The following CDH18 variants were observed in gnomAD, a reference collection of about 807,000 sequenced individuals.
CDH18 encodes cadherin-18.
Under a neutral mutation model 67.9 loss-of-function variants are expected in CDH18, and 31 were observed. The ratio of observed to expected loss-of-function variants is 0.46; its 90% CI spans 0.34 to 0.62. CDH18 has a LOEUF of 0.62. Ranked by LOEUF, CDH18 falls within the 20% of genes least tolerant of loss-of-function variation. The pLI is 0.01. For missense variants in CDH18, 890 were observed against 975.5 expected (o/e 0.91, Z 1.17); for synonymous variants, 362 against 347.2 (o/e 1.04, Z -0.48).
intron 2 of CDH18, among the ~76,000 whole-genome samples, chr5:19,841,269 C>G (rs182173945): frequency 4.7e-4 from 72 of 152,148 alleles, no homozygotes; most frequent in Admixed American, 2.5e-3. Flanking sequence ...TGATTTAAAT[C>G]AAAACAACTT....
intron 2 of CDH18, among the ~76,000 whole-genome samples, chr5:20,150,247 G>A (rs1436828527): frequency 6.6e-6 from 1 of 151,980 alleles, no homozygotes; most frequent in African/African-American, 2.4e-5. Context: ...TTATTTGATA[G>A]CTCCTCAATT....
chr5:19,700,276 G>C (rs529171731), intron 5 of CDH18, among the ~76,000 whole-genome samples: 13 of 152,164 alleles, frequency 8.5e-5, no homozygotes, highest in African/African-American at 3.1e-4. Context: ...GTGTTCAACA[G>C]CACATATCTA....
intron 2 of CDH18, among the ~76,000 whole-genome samples, chr5:19,847,804 G>A (rs1783172687): frequency 1.3e-5 from 2 of 151,852 alleles, no homozygotes; most frequent in Non-Finnish European, 1.5e-5. Context: ...TGACTTATGT[G>A]TGTATATTCC....
At chr5:20,159,314 T>C (rs940594295) in intron 2 of CDH18, among the ~76,000 whole-genome samples, 2 of 151,956 alleles carry the variant, frequency 1.3e-5, no homozygotes, top group East Asian at 1.9e-4. Context: ...TTATACGAAA[T>C]AAAAAGCACT....
At chr5:19,867,032 T>C (rs1785626031) in intron 2 of CDH18, among the ~76,000 whole-genome samples, 1 of 152,198 alleles carries the variant, frequency 6.6e-6, no homozygotes, top group East Asian at 1.9e-4. Context: ...GAGGTTGCAG[T>C]GAGCTGAGAT....
intron 2 of CDH18, among the ~76,000 whole-genome samples, chr5:19,857,662 T>A (rs1294989368): frequency 1.3e-5 from 2 of 152,082 alleles, no homozygotes; most frequent in Non-Finnish European, 2.9e-5. Context: ...TTATGATAAA[T>A]AAGTATATAA....
intron 11 of CDH18, among the ~76,000 whole-genome samples, chr5:19,486,366 A>C (rs1368767621): frequency 6.6e-6 from 1 of 151,610 alleles, no homozygotes; most frequent in Non-Finnish European, 1.5e-5. Context: ...AACACAACAC[A>C]CCATACACAC....
rs190144326 is a variant in CDH18, at chr5:20,425,601, T to C, written c.-580+149861A>G. 2.2e-3 allele frequency among the ~76,000 whole-genome samples: 326 copies of C among 151,108 alleles called. 17 individuals carry two copies. The highest frequency in any genetic ancestry group is 6.3e-3 in the African/African-American group (256 of 40,470). On this transcript the variant is annotated intron_variant, in intron 1 of 14. Coordinates refer to the CDH18 transcript ENST00000507958. Reference sequence around the variant, plus strand: ...ACACATAGGTTGATAATGTCTAAAATTGACAAATCTTAAATAGTAAAAATA... The same window carrying C: ...ACACATAGGTTGATAATGTCTAAAACTGACAAATCTTAAATAGTAAAAATA...
intron 2 of CDH18, among the ~76,000 whole-genome samples, chr5:20,215,925 G>T (rs1740731915): frequency 6.6e-6 from 1 of 151,822 alleles, no homozygotes; most frequent in African/African-American, 2.4e-5. Flanking sequence ...GCTAAATGAT[G>T]GGAACACATG....
intron 1 of CDH18, among the ~76,000 whole-genome samples, chr5:20,414,276 C>T (rs1462115084): frequency 6.8e-6 from 1 of 146,588 alleles, no homozygotes; most frequent in Non-Finnish European, 1.5e-5. Context: ...TGGAATCACC[C>T]CAGGTGCTCA....
intron 2 of CDH18, among the ~76,000 whole-genome samples, chr5:20,157,768 G>A (rs563119169): frequency 6.6e-6 from 1 of 151,560 alleles, no homozygotes; most frequent in South Asian, 2.1e-4. Context: ...CCAGCCTCCT[G>A]AGTAGCGGGA....
At chr5:20,191,488 A>T (rs1738534813) in intron 2 of CDH18, among the ~76,000 whole-genome samples, 1 of 151,806 alleles carries the variant, frequency 6.6e-6, no homozygotes, top group South Asian at 2.1e-4. Flanking sequence ...GCACCTATTG[A>T]ACTATCCTCT....
chr5:19,835,492 A>T (rs929268075), intron 3 of CDH18, among the ~76,000 whole-genome samples: 14 of 152,028 alleles, frequency 9.2e-5, no homozygotes, highest in African/African-American at 3.4e-4. Flanking sequence ...TTTTTTTAGA[A>T]GAAATAAAGA....
chr5:20,164,784 T>C (rs1330763933), intron 2 of CDH18, among the ~76,000 whole-genome samples: 1 of 152,120 alleles, frequency 6.6e-6, no homozygotes, highest in African/African-American at 2.4e-5. Flanking sequence ...AAGAGATGAG[T>C]CCAAGTCGTT....
chr5:19,541,209 T>C (rs950241131), intron 9 of CDH18, among the ~76,000 whole-genome samples: 1 of 152,150 alleles, frequency 6.6e-6, no homozygotes, highest in Non-Finnish European at 1.5e-5. Flanking sequence ...TGAGATCACA[T>C]CAGCCTGGAC....
chr5:20,232,945 C>T (rs1054348053), intron 2 of CDH18, among the ~76,000 whole-genome samples: 4 of 151,888 alleles, frequency 2.6e-5, no homozygotes, highest in East Asian at 1.9e-4. Context: ...AATAGCCAAC[C>T]AGATTATTCA....
At chr5:19,608,613 G>A (rs2150094975) in intron 6 of CDH18, among the ~76,000 whole-genome samples, 1 of 151,664 alleles carries the variant, frequency 6.6e-6, no homozygotes, top group Non-Finnish European at 1.5e-5. Flanking sequence ...CTAACTTTAT[G>A]GGAAATACTG....
At position 19,490,394 on chromosome 5, in the gene CDH18, G is replaced by GT. The variant is rs70950073; in HGVS notation, c.1631-6843dup. On this transcript the variant is annotated intron_variant, in intron 11 of 12. Transcript: ENST00000382275. ...TGATATATCACATATATAAAAATCT[G>GT]TTTTTTTTTTTTTTTTTTTTTTTTT... Among the ~76,000 whole-genome samples, 140 of 60,198 alleles carry GT rather than the reference G, an allele frequency of 2.3e-3. 28 individuals are homozygous for GT. Among genetic ancestry groups the GT allele is most frequent in the African/African-American group, 5.0e-3 (75 of 14,914 alleles). 39.5% of individuals were successfully genotyped at this position (60,198 alleles called of 152,430 possible). A position where few individuals can be genotyped will look rare whatever the true frequency, so the allele number is the denominator to read the frequency against.
At chr5:19,571,080 C>T (rs1384983048) in intron 8 of CDH18, among the ~76,000 whole-genome samples, 1 of 152,176 alleles carries the variant, frequency 6.6e-6, no homozygotes, top group East Asian at 1.9e-4. Context: ...GAGTGCTTTA[C>T]GCACATTGCT....
Sources: allele counts gnomAD v4.1 joint callset (sites outside exome capture counted in the v4.1 genomes callset), GRCh38; gene constraint gnomAD v4.1.1; transcripts MANE v1.5; gene names NCBI Gene and HGNC (gene_info 2026-07-23, HGNC 2026-07-21).